TNKS: variants seen among roughly 807,000 people sequenced by gnomAD.
TNKS encodes the protein poly [ADP-ribose] polymerase tankyrase-1.
In TNKS, 72 loss-of-function variants were observed where a neutral mutation model predicts 135.8. That is an observed-to-expected ratio of 0.53 (90% CI 0.44 to 0.64). The LOEUF (loss-of-function observed/expected upper bound fraction) is 0.64, where lower values mean the gene tolerates loss of function less well. Among genes scored for constraint, TNKS ranks in the 30% least tolerant of loss-of-function variants. The pLI is 0.00. For synonymous variants in TNKS, 849 were observed against 649.3 expected (o/e 1.31, Z -4.68); for missense variants, 1,769 against 1,674.0 (o/e 1.06, Z -0.99).
intron 3 of TNKS, among the ~76,000 whole-genome samples, chr8:9,664,775 A>G (rs1052221488): frequency 2.6e-5 from 4 of 152,344 alleles, no homozygotes; most frequent in African/African-American, 9.6e-5. Context: ...TAACAAGTAT[A>G]CAACTGTTAA....
intron 2 of TNKS, among the ~76,000 whole-genome samples, chr8:9,615,033 CA>C (rs1321297868): frequency 6.6e-6 from 1 of 152,144 alleles, no homozygotes; most frequent in Non-Finnish European, 1.5e-5. Context: ...AGCTCCACGC[CA>C]GGGGACCAGG....
Position 9,556,181 on chromosome 8 carries a change from C to T in TNKS, c.242C>T (p.Pro81Leu). Residue 81 changes from proline (P) to leucine (L), a missense_variant, in exon 1 of 27, where the codon CCG becomes CTG. Pro to Leu is a moderately conservative substitution (Grantham distance 98). Coordinates refer to ENST00000310430, the MANE Select transcript of TNKS (RefSeq NM_003747.3). ...SRDPPDRPRS[P>L]DPVDGTSCCS... ...GATCCGCCCGACAGGCCCCGATCCC[C>T]GGACCCGGTTGACGGTACCAGCTGT... The T allele has an allele frequency of 4.3e-6, 7 of 1,612,894 alleles. No individual in the cohort carries two copies. Among genetic ancestry groups the T allele is most frequent in the Non-Finnish European group, 5.9e-6 (7 of 1,179,272 alleles).
Position 9,567,634 on chromosome 8 carries a change from G to C in TNKS, c.673+11022G>C, listed in dbSNP as rs370746776. ...GGGTTTCACCGTGTTAGCGAGGATG[G>C]TCTCGTTCTCCTGATCTTGTGATCT... On this transcript the variant is annotated intron_variant, in intron 1 of 26. Coordinates refer to ENST00000310430, the MANE Select transcript of TNKS (RefSeq NM_003747.3). 3.3e-3 allele frequency among the ~76,000 whole-genome samples: 496 copies of C among 152,288 alleles called. 1 individual carries two copies. Among genetic ancestry groups the C allele is most frequent in the Non-Finnish European group, 4.1e-3 (277 of 68,026 alleles).
intron 2 of TNKS, among the ~76,000 whole-genome samples, chr8:9,592,246 AT>A (rs1168146508): frequency 6.6e-6 from 1 of 151,970 alleles, no homozygotes; most frequent in East Asian, 1.9e-4. Context: ...CAATACTTAA[AT>A]TTTTTTTGGT....
At chr8:9,587,733 G>A (rs1170166602) in intron 2 of TNKS, among the ~76,000 whole-genome samples, 1 of 152,120 alleles carries the variant, frequency 6.6e-6, no homozygotes, top group African/African-American at 2.4e-5. Context: ...TGAGACTTAC[G>A]TCAGATTTAG....
At position 9,650,341 on chromosome 8, in the gene TNKS, A is replaced by G. The variant is rs1409480089; in HGVS notation, c.995-29610A>G. On this transcript the variant is annotated intron_variant, in intron 3 of 26. Transcript: ENST00000310430. ...CTTTCCTCTGGGTAGATACCCAGTA[A>G]TGGGATTGCTGGATCAAATGGTAGT... Among the ~76,000 whole-genome samples, 3 of 152,146 alleles carry G rather than the reference A, an allele frequency of 2.0e-5. No homozygotes were observed. The East Asian group carries it at 5.8e-4, about 29-fold the overall frequency.
chr8:9,655,538 A>T (rs1047274033), intron 3 of TNKS, among the ~76,000 whole-genome samples: 13 of 152,204 alleles, frequency 8.5e-5, no homozygotes, highest in African/African-American at 3.1e-4. Flanking sequence ...CTCCTCTGAG[A>T]CAAAACCTCC....
At chr8:9,733,153 T>A (rs112120848) in intron 14 of TNKS, 126 bp from the exon 15 acceptor site, 5 of 669,504 alleles carry the variant, frequency 7.5e-6, no homozygotes, top group Non-Finnish European at 1.2e-5. Context: ...CAGAGGTGGG[T>A]GTATTTCTTT....
At chr8:9,655,638 G>T (rs1801330290) in intron 3 of TNKS, among the ~76,000 whole-genome samples, 1 of 152,182 alleles carries the variant, frequency 6.6e-6, no homozygotes, top group South Asian at 2.1e-4. Flanking sequence ...AACAGGGTCT[G>T]GAGTGGACCT....
At chr8:9,657,884 C>T (rs1294705233) in intron 3 of TNKS, among the ~76,000 whole-genome samples, 329 of 131,382 alleles carry the variant, frequency 2.5e-3, no homozygotes, top group Middle Eastern at 0.017. Flanking sequence ...ACTTCTCAGA[C>T]GGGGTGGTTG....
intron 3 of TNKS, among the ~76,000 whole-genome samples, chr8:9,664,499 C>G (rs1415780044): frequency 6.6e-6 from 1 of 152,208 alleles, no homozygotes; most frequent in African/African-American, 2.4e-5. Flanking sequence ...TTGGAAGGCA[C>G]AAACATTCAA....
At chr8:9,596,075 G>C (rs1309607716) in intron 2 of TNKS, among the ~76,000 whole-genome samples, 1 of 152,152 alleles carries the variant, frequency 6.6e-6, no homozygotes, top group Non-Finnish European at 1.5e-5. Flanking sequence ...CACTTCATGG[G>C]ACTCCAGTCT....
Position 9,779,031 on chromosome 8 carries a change from G to A in TNKS, c.*2295G>A, listed in dbSNP as rs1212577172. 2 of 152,360 alleles carry A rather than the reference G, an allele frequency of 1.3e-5. No homozygotes were observed. Among genetic ancestry groups the A allele is most frequent in the African/African-American group, 4.8e-5 (2 of 41,452 alleles). The allele number at this position is 152,360 out of a possible 1,614,324, so 9.4% of individuals were successfully genotyped here. On this transcript the variant is annotated 3_prime_UTR_variant, in exon 27 of 27. Coordinates refer to ENST00000310430, the MANE Select transcript of TNKS (RefSeq NM_003747.3). The stretch of plus-strand genomic sequence containing the variant: ...CAGTGTTATACGTCTCATGCTCTGT[G>A]TGCCAGGTGAAGGTACTGTGTAAGG...
intron 26 of TNKS, among the ~76,000 whole-genome samples, chr8:9,772,128 G>A (rs796659417): frequency 8.7e-5 from 13 of 150,132 alleles, no homozygotes; most frequent in African/African-American, 3.2e-4. Context: ...AGGGAGGGAT[G>A]ACATGGGACT....
In TNKS at chr8:9,764,861, A is replaced by G. The variant is rs1438080926; in HGVS notation, c.3447+71A>G. 1.1e-5 allele frequency: 14 copies of G among 1,292,604 alleles called. No homozygotes were observed. The South Asian group carries it at 1.8e-4, about 17-fold the overall frequency. 80.1% of individuals were successfully genotyped at this position (1,292,604 alleles called of 1,614,324 possible). ...CCTAAAAACCAAATCTAGACAATGAAAAAAGTTTATTAAGTCATATTTTCA... is the reference window on the plus strand; with the variant it reads ...CCTAAAAACCAAATCTAGACAATGAGAAAAGTTTATTAAGTCATATTTTCA... On this transcript the variant is annotated intron_variant, in intron 23 of 26. Coordinates refer to ENST00000310430, the MANE Select transcript of TNKS (RefSeq NM_003747.3).
chr8:9,652,526 C>T (rs1243150166), intron 3 of TNKS, among the ~76,000 whole-genome samples: 1 of 152,066 alleles, frequency 6.6e-6, no homozygotes, highest in Non-Finnish European at 1.5e-5. Context: ...AATACCTCTC[C>T]TTTTTGTTTA....
At chr8:9,765,287 C>G (rs1190820725) in intron 23 of TNKS, among the ~76,000 whole-genome samples, 2 of 152,026 alleles carry the variant, frequency 1.3e-5, no homozygotes, top group Non-Finnish European at 2.9e-5. Flanking sequence ...ACTGGTTTAA[C>G]CCTTTGAGTT....
At chr8:9,666,242 T>C (rs571194491) in intron 3 of TNKS, among the ~76,000 whole-genome samples, 26 of 152,298 alleles carry the variant, frequency 1.7e-4, no homozygotes, top group African/African-American at 6.3e-4. Flanking sequence ...GTGGATATAG[T>C]AGGGTAAATA....
intron 5 of TNKS, among the ~76,000 whole-genome samples, chr8:9,684,111 C>G (rs1332533856): frequency 6.6e-6 from 1 of 151,808 alleles, no homozygotes; most frequent in African/African-American, 2.4e-5. Flanking sequence ...TACCTTCTGC[C>G]CAGTATGATT....
Sources: allele counts gnomAD v4.1 joint callset (sites outside exome capture counted in the v4.1 genomes callset), GRCh38; gene constraint gnomAD v4.1.1; transcripts MANE v1.5; gene names NCBI Gene and HGNC (gene_info 2026-07-23, HGNC 2026-07-21).